SEPTIN7: variants seen among roughly 807,000 people sequenced by gnomAD.
SEPTIN7 encodes septin-7.
SEPTIN7 carries 10 observed loss-of-function variants against 63.3 expected under a neutral mutation model. The ratio of observed to expected loss-of-function variants is 0.16; its 90% confidence interval spans 0.10 to 0.27. The LOEUF (loss-of-function observed/expected upper bound fraction) is 0.27, where lower values mean the gene tolerates loss of function less well. Among genes scored for constraint, SEPTIN7 ranks in the 10% least tolerant of loss-of-function variants. The pLI is 1.00. For missense variants in SEPTIN7, 310 were observed against 521.0 expected, an observed-to-expected ratio of 0.59 and a Z score of 3.94; for synonymous variants, 131 against 165.3, an observed-to-expected ratio of 0.79 and a Z score of 1.59.
intron 1 of SEPTIN7, among the ~76,000 whole-genome samples, chr7:35,813,605 G>A (rs952139686): frequency 6.6e-6 from 1 of 152,110 alleles, no homozygotes; most frequent in African/African-American, 2.4e-5. Flanking sequence ...AAACTCCTGA[G>A]CTCAGGTGAT....
intron 6 of SEPTIN7, among the ~76,000 whole-genome samples, chr7:35,878,034 G>A (rs534579746): frequency 6.6e-6 from 1 of 152,230 alleles, no homozygotes; most frequent in South Asian, 2.1e-4. Context: ...AAAGCAGAAT[G>A]GTTGTATGGT....
intron 6 of SEPTIN7, 45 bp from the exon 7 acceptor site, chr7:35,879,778 T>A (rs1275745213): frequency 9.4e-7 from 1 of 1,068,808 alleles, no homozygotes. Context: ...AATCTTGTTC[T>A]CCCAAACTGA....
At chr7:35,848,393 G>A (rs1275552768) in intron 3 of SEPTIN7, among the ~76,000 whole-genome samples, 7 of 152,008 alleles carry the variant, frequency 4.6e-5, no homozygotes, top group Admixed American at 6.6e-5. Context: ...TCAGCCTCCC[G>A]AGTAGCTGGG....
At chr7:35,802,838 G>C (rs1313977130) in intron 1 of SEPTIN7, among the ~76,000 whole-genome samples, 3 of 152,198 alleles carry the variant, frequency 2.0e-5, no homozygotes, top group Admixed American at 6.5e-5. Flanking sequence ...CGTGGCGGGA[G>C]AGCAGTAAAC....
At chr7:35,833,520 T>C (rs1046384248) in intron 3 of SEPTIN7, among the ~76,000 whole-genome samples, 1 of 152,002 alleles carries the variant, frequency 6.6e-6, no homozygotes, top group Admixed American at 6.6e-5. Flanking sequence ...TTATTAAATA[T>C]GAAGAAACAC....
chr7:35,876,120 A>G (rs1786460049), intron 6 of SEPTIN7, among the ~76,000 whole-genome samples: 1 of 152,034 alleles, frequency 6.6e-6, no homozygotes, highest in African/African-American at 2.4e-5. Context: ...AACTGACTTA[A>G]ATGTTCTTTG....
chr7:35,860,379 G>T (rs1299265530), intron 3 of SEPTIN7, among the ~76,000 whole-genome samples: 4 of 152,064 alleles, frequency 2.6e-5, no homozygotes, highest in Non-Finnish European at 4.4e-5. Flanking sequence ...AGGTGAACTT[G>T]CAAACCAAAA....
At chr7:35,801,022 C>A (rs1787910877), upstream of SEPTIN7, 5 of 461,590 alleles carry the variant, frequency 1.1e-5, no homozygotes, top group South Asian at 7.8e-5. Flanking sequence ...CCGGAAGCCT[C>A]GTCTGAGGGG....
intron 1 of SEPTIN7, 79 bp downstream of exon 1, chr7:35,801,349 C>T: frequency 6.7e-7 from 1 of 1,488,086 alleles, no homozygotes; most frequent in East Asian, 2.9e-5. Context: ...CTGGACCGAG[C>T]TAGGGAACGC....
At chr7:35,869,647 ATTGT>A (rs1318828527) in intron 4 of SEPTIN7, among the ~76,000 whole-genome samples, 1 of 152,198 alleles carries the variant, frequency 6.6e-6, no homozygotes, top group Non-Finnish European at 1.5e-5. Flanking sequence ...TATAATAAAC[ATTGT>A]TTGACTTTTT....
intron 4 of SEPTIN7, among the ~76,000 whole-genome samples, chr7:35,865,261 T>C (rs1413605468): frequency 6.6e-6 from 1 of 152,226 alleles, no homozygotes; most frequent in Non-Finnish European, 1.5e-5. Context: ...CCCAAATTAA[T>C]GTACAGTTCA....
chr7:35,842,930 T>TTA (rs146264668), intron 3 of SEPTIN7, among the ~76,000 whole-genome samples: 10 of 151,872 alleles, frequency 6.6e-5, no homozygotes, highest in East Asian at 3.9e-4. Flanking sequence ...ACACACACAT[T>TTA]TATATATATA....
chr7:35,814,486 G>GT (rs1788922497), intron 1 of SEPTIN7, among the ~76,000 whole-genome samples: 2 of 133,778 alleles, frequency 1.5e-5, no homozygotes, highest in South Asian at 4.4e-4. Context: ...GAATTGTAAG[G>GT]GTTTTTTTAA....
At chr7:35,870,894 T>C (rs1212244865) in intron 4 of SEPTIN7, among the ~76,000 whole-genome samples, 2 of 152,080 alleles carry the variant, frequency 1.3e-5, no homozygotes, top group African/African-American at 4.8e-5. Flanking sequence ...CTGATTGTTT[T>C]CTCTGAGTTA....
At chr7:35,803,999 A>AT (rs768195169) in intron 1 of SEPTIN7, among the ~76,000 whole-genome samples, 5 of 152,068 alleles carry the variant, frequency 3.3e-5, no homozygotes, top group East Asian at 3.9e-4. Context: ...TGGGGAAGTA[A>AT]TTTTTTTTAA....
intron 11 of SEPTIN7, among the ~76,000 whole-genome samples, chr7:35,897,669 A>G (rs989478680): frequency 6.6e-6 from 1 of 152,210 alleles, no homozygotes; most frequent in African/African-American, 2.4e-5. Context: ...TGAGTTAAGT[A>G]GAATGAATTT....
chr7:35,885,313 A>T (rs556741335), intron 9 of SEPTIN7, among the ~76,000 whole-genome samples: 45 of 152,302 alleles, frequency 3.0e-4, no homozygotes, highest in African/African-American at 1.1e-3. Context: ...CCCCTTAAAA[A>T]TACGCACCGG....
At chr7:35,890,251 G>A (rs1369835187) in intron 10 of SEPTIN7, among the ~76,000 whole-genome samples, 2 of 152,076 alleles carry the variant, frequency 1.3e-5, no homozygotes, top group Non-Finnish European at 2.9e-5. Flanking sequence ...TTATTATTAT[G>A]TATTAATAAA....
chr7:35,843,957 T>A (rs1478240129), intron 3 of SEPTIN7, among the ~76,000 whole-genome samples: 3 of 152,168 alleles, frequency 2.0e-5, no homozygotes, highest in Non-Finnish European at 4.4e-5. Flanking sequence ...TTTTTAATGA[T>A]CAAAGGCTAT....
Sources: allele counts gnomAD v4.1 joint callset (sites outside exome capture counted in the v4.1 genomes callset), GRCh38; gene constraint gnomAD v4.1.1; transcripts MANE v1.5; gene names NCBI Gene and HGNC (gene_info 2026-07-23, HGNC 2026-07-21).